The following MRPS25 variants were observed in gnomAD, a reference collection of about 807,000 sequenced individuals.
The protein encoded by MRPS25 is small ribosomal subunit protein mS25.
A neutral mutation model predicts 17.3 loss-of-function variants in MRPS25; 15 were observed. The observed-to-expected ratio is 0.87, with a 90% CI of 0.58 to 1.34. The LOEUF (loss-of-function observed/expected upper bound fraction) is 1.34, where lower values mean the gene tolerates loss of function less well. Among genes scored for constraint, MRPS25 ranks in the 40% most tolerant of loss-of-function variants. The pLI, the probability that MRPS25 is intolerant of heterozygous loss-of-function variation, is 0.00. For missense variants in MRPS25, 225 were observed against 218.6 expected, an observed-to-expected ratio of 1.03 and a Z score of -0.19; for synonymous variants, 94 against 83.3, an observed-to-expected ratio of 1.13 and a Z score of -0.70.
rs147899363 is a variant in MRPS25, at chr3:15,059,733, A to T, written c.135-258T>A. Among the ~76,000 whole-genome samples the T allele has an allele frequency of 1.0e-3, 157 of 152,262 alleles. 1 individual carries two copies. Among genetic ancestry groups the T allele is most frequent in the African/African-American group, 3.5e-3 (145 of 41,548 alleles). The stretch of plus-strand genomic sequence containing the variant: ...AACCTAACACCAATGCCAAAGCACC[A>T]CTGAAAATGAAACCATGAAAGGTAC... On this transcript the variant is annotated intron_variant, in intron 1 of 3. Transcript: ENST00000253686.
chr3:15,061,238 T>C (rs966009500), intron 1 of MRPS25, among the ~76,000 whole-genome samples: 1 of 152,056 alleles, frequency 6.6e-6, no homozygotes, highest in Admixed American at 6.5e-5. Flanking sequence ...TCCCTCTCCC[T>C]CTTTCCACGG....
Position 15,052,275 on chromosome 3 carries a change from C to T in MRPS25, c.*166G>A. On this transcript the variant is annotated 3_prime_UTR_variant, in exon 4 of 4. Coordinates refer to ENST00000253686, the MANE Select transcript of MRPS25 (RefSeq NM_022497.5). ...TCATTTAGCAGCTCAGCTTCAGACCCTCCTCTCCCACATCCTTTTACACAG... is the reference window on the plus strand; with the variant it reads ...TCATTTAGCAGCTCAGCTTCAGACCTTCCTCTCCCACATCCTTTTACACAG... 7.2e-7 allele frequency: 1 copy of T among 1,392,726 alleles called. No homozygotes were observed. Among genetic ancestry groups the T allele is most frequent in the Non-Finnish European group, 9.3e-7 (1 of 1,075,196 alleles). 86.3% of individuals were successfully genotyped at this position (1,392,726 alleles called of 1,614,324 possible).
At position 15,051,290 on chromosome 3, in the gene MRPS25, C is replaced by G; in HGVS notation, c.*1151G>C. On this transcript the variant is annotated 3_prime_UTR_variant, in exon 4 of 4. Transcript: ENST00000253686. ...AGCCTTGATCTCGCAGGCTCGAGAT[C>G]CTCCCACCTCAGCTTCCCAAATAGC... 1.4e-6 allele frequency: 1 copy of G among 697,716 alleles called. No individual in the cohort carries two copies. The highest frequency in any genetic ancestry group is 1.8e-6 in the Non-Finnish European group (1 of 567,206). 43.2% of individuals were successfully genotyped at this position (697,716 alleles called of 1,614,324 possible).
chr3:15,058,968 A>G (rs768750590), intron 2 of MRPS25, among the ~76,000 whole-genome samples: 32 of 151,558 alleles, frequency 2.1e-4, no homozygotes, highest in Non-Finnish European at 3.5e-4. Flanking sequence ...AGGTCACTCT[A>G]GGATGCAGGG....
chr3:15,063,466 G>C (rs567686300), intron 1 of MRPS25, among the ~76,000 whole-genome samples: 3 of 152,330 alleles, frequency 2.0e-5, no homozygotes, highest in South Asian at 2.1e-4. Flanking sequence ...GAACAAACAA[G>C]GGCTGGGGAT....
chr3:15,048,130 T>C (rs1183675673), downstream of MRPS25: 1 of 152,656 alleles, frequency 6.6e-6, no homozygotes, highest in African/African-American at 2.4e-5. Flanking sequence ...ATCAAAATGT[T>C]TTAAAAACAC....
intron 3 of MRPS25, among the ~76,000 whole-genome samples, chr3:15,052,890 G>A (rs2042623696): frequency 6.6e-6 from 1 of 152,318 alleles, no homozygotes; most frequent in East Asian, 1.9e-4. Flanking sequence ...GCTGCCACAG[G>A]TGGAGCCCAC....
At chr3:15,042,315 AG>A (rs1275027628), downstream of MRPS25, 2 of 152,332 alleles carry the variant, frequency 1.3e-5, no homozygotes, top group Non-Finnish European at 2.9e-5. Context: ...ACAAAAAATA[AG>A]AAAAAATCAC....
chr3:15,065,053 C>T lies in MRPS25; in HGVS notation c.134+8G>A. 6.4e-7 allele frequency: 1 copy of T among 1,572,018 alleles called. No homozygotes were observed. Reference sequence around the variant, plus strand: ...ACGGCTCGCCAGGCGGCCGGGGCTGCGACTGACCTGGCGCCCTCGCCCAGC... The same window carrying T: ...ACGGCTCGCCAGGCGGCCGGGGCTGTGACTGACCTGGCGCCCTCGCCCAGC... On this transcript the variant is annotated splice_region_variant and intron_variant, in intron 1 of 3. Transcript: ENST00000253686.
Position 15,059,333 on chromosome 3 carries a change from G to C in MRPS25, c.241+36C>G, listed in dbSNP as rs367553774. The C allele has an allele frequency of 2.8e-5, 39 of 1,407,370 alleles. No individual in the cohort carries two copies. The African/African-American group carries it at 3.1e-4, about 11-fold the overall frequency. The allele number at this position is 1,407,370 out of a possible 1,614,324, so 87.2% of individuals were successfully genotyped here. A position where few individuals can be genotyped will look rare whatever the true frequency, so the allele number is the denominator to read the frequency against. On this transcript the variant is annotated intron_variant, in intron 2 of 3. Coordinates refer to ENST00000253686, the MANE Select transcript of MRPS25 (RefSeq NM_022497.5). ...GACGCAGTCTCTCCAGGCATGTCTG[G>C]GACAGCCCCTGGACCATGGCGAGGG...
chr3:15,051,504 T>C lies in MRPS25; in HGVS notation c.*937A>G, dbSNP rs938019102. The C allele has an allele frequency of 9.1e-6, 9 of 985,258 alleles. No individual in the cohort carries two copies. Among genetic ancestry groups the C allele is most frequent in the Admixed American group, 1.2e-4 (2 of 16,258 alleles). 61.0% of individuals were successfully genotyped at this position (985,258 alleles called of 1,614,324 possible). On this transcript the variant is annotated 3_prime_UTR_variant, in exon 4 of 4. Transcript: ENST00000253686. Reference sequence around the variant, plus strand: ...AGCCTAGCTAAACCTATTCTTAAGGTGACCCTAGAAGGCTCTGCTGTCTTC... The same window carrying C: ...AGCCTAGCTAAACCTATTCTTAAGGCGACCCTAGAAGGCTCTGCTGTCTTC...
In MRPS25 at chr3:15,050,009, G is replaced by A. The variant is rs1412080831; in HGVS notation, c.*2432C>T. 1.6e-5 allele frequency: 23 copies of A among 1,464,396 alleles called. No individual in the cohort carries two copies. The highest frequency in any genetic ancestry group is 2.0e-5 in the Non-Finnish European group (22 of 1,123,274). 90.7% of individuals were successfully genotyped at this position (1,464,396 alleles called of 1,614,324 possible). On this transcript the variant is annotated 3_prime_UTR_variant, in exon 4 of 4. Transcript: ENST00000253686. ...CTTGTGCAAGTAAAATTAAGAACAT[G>A]TTATCAATTATAAAATCCTCACATT...
At chr3:15,052,855 C>T (rs1206524837) in intron 3 of MRPS25, among the ~76,000 whole-genome samples, 1 of 152,182 alleles carries the variant, frequency 6.6e-6, no homozygotes, top group Non-Finnish European at 1.5e-5. Context: ...CAGCAGCAAG[C>T]CTACACAGTG....
intron 1 of MRPS25, among the ~76,000 whole-genome samples, chr3:15,061,494 A>C (rs2042757955): frequency 6.6e-6 from 1 of 152,210 alleles, no homozygotes; most frequent in Admixed American, 6.5e-5. Flanking sequence ...CCGGGATTGC[A>C]GACGGTGTCT....
chr3:15,064,318 G>T (rs1175955436), intron 1 of MRPS25, among the ~76,000 whole-genome samples: 1 of 152,138 alleles, frequency 6.6e-6, no homozygotes, highest in African/African-American at 2.4e-5. Context: ...CCTTTCACTT[G>T]CCAACTGCCA....
intron 2 of MRPS25, among the ~76,000 whole-genome samples, chr3:15,056,290 T>C (rs555905315): frequency 6.6e-6 from 1 of 152,032 alleles, no homozygotes; most frequent in East Asian, 1.9e-4. Context: ...AAAAGATACT[T>C]GGGGGAAATG....
chr3:15,043,219 G>A (rs1203747085), downstream of MRPS25: 1 of 388,682 alleles, frequency 2.6e-6, no homozygotes, highest in African/African-American at 2.1e-5. Flanking sequence ...GCCTTTTGAT[G>A]AAGCAGCAGA....
chr3:15,056,108 G>A (rs2042669737), intron 2 of MRPS25, among the ~76,000 whole-genome samples: 2 of 151,494 alleles, frequency 1.3e-5, no homozygotes, highest in South Asian at 4.2e-4. Context: ...CCAGCTACTC[G>A]GGAGGCTGAG....
intron 1 of MRPS25, among the ~76,000 whole-genome samples, chr3:15,061,442 TC>T (rs1360163760): frequency 6.6e-6 from 1 of 152,198 alleles, no homozygotes; most frequent in Admixed American, 6.5e-5. Context: ...GGTCTCCAGC[TC>T]CTAACCGCGA....
Sources: gnomAD v4.1 joint callset for allele counts (sites outside exome capture counted in the v4.1 genomes callset) on GRCh38, gnomAD v4.1.1 for gene constraint, MANE v1.5 for transcripts, NCBI Gene and HGNC (gene_info 2026-07-23, HGNC 2026-07-21) for gene names.